RGS10: variants seen among roughly 807,000 people sequenced by gnomAD.
The protein encoded by RGS10 is regulator of G-protein signalling 10.
In RGS10, 11 loss-of-function variants were observed where a neutral mutation model predicts 23.5. That is an observed-to-expected ratio of 0.47 (90% confidence interval 0.29 to 0.77). RGS10 has a LOEUF of 0.77. Among genes scored for constraint, RGS10 ranks in the 30% least tolerant of loss-of-function variants. RGS10 has a pLI of 0.08. For synonymous variants in RGS10, 77 were observed against 83.2 expected, an observed-to-expected ratio of 0.92 and a Z score of 0.41; for missense variants, 180 against 226.3, an observed-to-expected ratio of 0.80 and a Z score of 1.31.
rs1403854142 is a variant in RGS10 at position 119,538,811 on chromosome 10, G to A, written c.49+3779C>T. 6.6e-6 allele frequency among the ~76,000 whole-genome samples: 1 copy of A among 152,188 alleles called. No homozygotes were observed. Among genetic ancestry groups the A allele is most frequent in the African/African-American group, 2.4e-5 (1 of 41,440 alleles). On this transcript the variant is annotated intron_variant, in intron 1 of 4. Coordinates refer to ENST00000369103, the MANE Select transcript of RGS10 (RefSeq NM_001005339.2). This position sits in a 1 kb window ranked among gnomAD's most constrained non-coding sequence, Gnocchi z 4.5. ...CTCCTGCTGCCACCCGCAGGCTGCT[G>A]CAGCAAAGAACTATCTGGGGGAAGC...
chr10:119,509,788 A>C (rs1844055669), intron 4 of RGS10, among the ~76,000 whole-genome samples: 2 of 152,164 alleles, frequency 1.3e-5, no homozygotes, highest in South Asian at 4.1e-4. Flanking sequence ...GGGACTCAGA[A>C]GCCACAGTAA....
chr10:119,525,114 C>G (rs541257713), intron 3 of RGS10, among the ~76,000 whole-genome samples: 2 of 152,208 alleles, frequency 1.3e-5, no homozygotes, highest in Non-Finnish European at 2.9e-5. Flanking sequence ...TCTGGTTTCA[C>G]GTAAGGATCC....
chr10:119,514,086 T>A (rs759776669), intron 4 of RGS10, among the ~76,000 whole-genome samples: 2 of 152,226 alleles, frequency 1.3e-5, no homozygotes, highest in African/African-American at 2.4e-5. Context: ...CCAGGCGTGG[T>A]GGCTCACGCC....
chr10:119,530,051 C>CA (rs1398074118), intron 1 of RGS10, among the ~76,000 whole-genome samples: 1 of 152,204 alleles, frequency 6.6e-6, no homozygotes, highest in Non-Finnish European at 1.5e-5. Context: ...GAGATTGCAC[C>CA]ACTGCACTCC....
At chr10:119,525,463 A>T (rs1164803607) in intron 3 of RGS10, among the ~76,000 whole-genome samples, 3 of 152,138 alleles carry the variant, frequency 2.0e-5, no homozygotes, top group Admixed American at 1.3e-4. Context: ...CAGGCCTCAT[A>T]AACCCACCCA....
In RGS10 at chr10:119,542,608, T is replaced by C; in HGVS notation, c.31A>G (p.Arg11Gly). Residue 11 changes from arginine (R) to glycine (G), a missense_variant, in exon 1 of 5, where the codon AGG becomes GGG. Physicochemically the swap from Arg to Gly is moderately radical, Grantham distance 125 (BLOSUM62 -2). Transcript: ENST00000369103. ...CGCTTACCTGACGGCGGCCGCTTCC[T>C]GCTCAGCCGGCTCACGGCGCGGTTG... The part of the protein sequence containing the change: MFNRAVSRLS[R>G]KRPPSDIHDS... 1 of 1,426,062 alleles carries C rather than the reference T, an allele frequency of 7.0e-7. No individual in the cohort carries two copies. The highest frequency in any genetic ancestry group is 9.2e-7 in the Non-Finnish European group (1 of 1,087,262). The allele number at this position is 1,426,062 out of a possible 1,614,324, so 88.3% of individuals were successfully genotyped here.
intron 3 of RGS10, 74 bp downstream of exon 3, chr10:119,525,958 G>C (rs1316172383): frequency 6.7e-6 from 5 of 745,726 alleles, no homozygotes; most frequent in Non-Finnish European, 8.7e-6. Flanking sequence ...GGTTTCTTTA[G>C]GCAACTTCAG....
At chr10:119,522,157 C>CA (rs1844225926) in intron 3 of RGS10, among the ~76,000 whole-genome samples, 1 of 152,190 alleles carries the variant, frequency 6.6e-6, no homozygotes, top group South Asian at 2.1e-4. Context: ...AGAGGCCCCC[C>CA]ACTCCCAGAT....
At chr10:119,500,290 G>T (rs758051558) in intron 4 of RGS10, 31 bp from the exon 5 acceptor site, 11 of 1,594,718 alleles carry the variant, frequency 6.9e-6, no homozygotes, top group Non-Finnish European at 9.4e-6. Flanking sequence ...GAGTCTGAAG[G>T]CTGAGGCTAA....
At chr10:119,534,408 C>G (rs771007879) in intron 1 of RGS10, among the ~76,000 whole-genome samples, 1 of 143,468 alleles carries the variant, frequency 7.0e-6, no homozygotes, top group East Asian at 2.1e-4. Flanking sequence ...CTGAACAATA[C>G]GATGAAACCC....
At chr10:119,537,962 G>A (rs748450709) in intron 1 of RGS10, among the ~76,000 whole-genome samples, 4 of 152,180 alleles carry the variant, frequency 2.6e-5, no homozygotes, top group Non-Finnish European at 5.9e-5. Context: ...CCCCAGGAGC[G>A]ACAACCTCTA....
chr10:119,503,524 A>T (rs2133944147), intron 4 of RGS10, among the ~76,000 whole-genome samples: 1 of 152,254 alleles, frequency 6.6e-6, no homozygotes, highest in African/African-American at 2.4e-5. Flanking sequence ...GGCTGGGGAA[A>T]TGAACCCGGC....
At chr10:119,542,719 GGGC>G, upstream of RGS10, 1 of 1,224,600 alleles carries the variant, frequency 8.2e-7, no homozygotes, top group Non-Finnish European at 1.1e-6. Context: ...AGGAGGAGGA[GGGC>G]GAGGAGGAGG....
At chr10:119,511,611 T>C (rs2133948237) in intron 4 of RGS10, among the ~76,000 whole-genome samples, 1 of 152,236 alleles carries the variant, frequency 6.6e-6, no homozygotes, top group East Asian at 1.9e-4. Context: ...AGAACAGGAC[T>C]GTCTCCAAAA....
At chr10:119,509,072 G>A (rs1844048299) in intron 4 of RGS10, among the ~76,000 whole-genome samples, 1 of 152,098 alleles carries the variant, frequency 6.6e-6, no homozygotes, top group African/African-American at 2.4e-5. Context: ...CTGTATTCCA[G>A]CCTCGATGAC....
intron 4 of RGS10, among the ~76,000 whole-genome samples, chr10:119,500,624 C>T (rs1173214949): frequency 6.6e-6 from 1 of 151,190 alleles, no homozygotes. Flanking sequence ...TTGAGACAGC[C>T]GAATAGAAAC....
chr10:119,504,876 G>A (rs1231272049), intron 4 of RGS10, among the ~76,000 whole-genome samples: 1 of 152,150 alleles, frequency 6.6e-6, no homozygotes, highest in Non-Finnish European at 1.5e-5. Context: ...TGGAGAACAG[G>A]GCCCTGCCAA....
At chr10:119,533,345 TAAAAAAAA>T (rs758945940) in intron 1 of RGS10, among the ~76,000 whole-genome samples, 49 of 144,036 alleles carry the variant, frequency 3.4e-4, no homozygotes, top group Admixed American at 6.2e-4. Context: ...GAAAAAAGTT[TAAAAAAAA>T]AAAGAAAAAA....
intron 1 of RGS10, among the ~76,000 whole-genome samples, chr10:119,532,199 C>CT (rs1162108392): frequency 1.3e-5 from 2 of 152,214 alleles, no homozygotes; most frequent in African/African-American, 4.8e-5. Flanking sequence ...GCACCCCACC[C>CT]TTTTCAAATC....
Sources: allele counts gnomAD v4.1 joint callset (sites outside exome capture counted in the v4.1 genomes callset), GRCh38; gene constraint gnomAD v4.1.1; non-coding constraint Gnocchi (gnomAD v3.1); transcripts MANE v1.5; gene names NCBI Gene and HGNC (gene_info 2026-07-23, HGNC 2026-07-21).